Variants in ORC4 observed in about 807,000 individuals in gnomAD.
The protein encoded by ORC4 is origin recognition complex subunit 4.
ORC4 carries 55 observed loss-of-function variants against 63.9 expected under a neutral mutation model. The ratio of observed to expected loss-of-function variants is 0.86; its 90% confidence interval spans 0.69 to 1.08. The LOEUF is 1.08. ORC4 is among the 50% of genes least tolerant of loss of function. The pLI is 0.00. For synonymous variants in ORC4, 150 were observed against 168.5 expected, an observed-to-expected ratio of 0.89 and a Z score of 0.85; for missense variants, 511 against 504.4, an observed-to-expected ratio of 1.01 and a Z score of -0.13.
intron 1 of ORC4, among the ~76,000 whole-genome samples, chr2:148,014,155 G>C (rs546833706): frequency 4.6e-5 from 7 of 152,182 alleles, no homozygotes; most frequent in African/African-American, 1.2e-4. Context: ...ATGATTGTGT[G>C]CAATACAGCG....
At chr2:147,999,304 A>T (rs896490777) in intron 1 of ORC4, among the ~76,000 whole-genome samples, 1 of 152,138 alleles carries the variant, frequency 6.6e-6, no homozygotes, top group African/African-American at 2.4e-5. Flanking sequence ...TCAGACAAAA[A>T]GGTTTTGAGG....
intron 4 of ORC4, among the ~76,000 whole-genome samples, chr2:147,961,799 G>A (rs1016361052): frequency 1.3e-5 from 2 of 152,156 alleles, no homozygotes; most frequent in African/African-American, 4.8e-5. Context: ...TTTATTAACT[G>A]ATAAATACTA....
intron 4 of ORC4, chr2:147,960,449 A>G (rs1689523203): frequency 1.6e-6 from 1 of 636,256 alleles, no homozygotes; most frequent in Non-Finnish European, 2.0e-6. Context: ...TATTTAAACT[A>G]CATTATACAC....
intron 1 of ORC4, among the ~76,000 whole-genome samples, chr2:148,018,772 T>A (rs1337855662): frequency 6.6e-6 from 1 of 152,086 alleles, no homozygotes; most frequent in Non-Finnish European, 1.5e-5. Context: ...TAAGAAATAC[T>A]AAGAAAGAAA....
In ORC4 at chr2:147,938,568, T is replaced by C. The variant is rs1308141253; in HGVS notation, c.959-175A>G. 3 of 570,528 alleles carry C rather than the reference T, an allele frequency of 5.3e-6. No homozygotes were observed. In the African/African-American group the frequency reaches 5.6e-5, roughly 11 times the overall value. 35.3% of individuals were successfully genotyped at this position (570,528 alleles called of 1,614,324 possible). On this transcript the variant is annotated intron_variant, in intron 11 of 13. Coordinates refer to ENST00000392857, the MANE Select transcript of ORC4 (RefSeq NM_181741.4). ...CTATATAAATTTAAGTTACTTAACC[T>C]CCCTGAGCTTAGTTTTTTTCCTATC... is the stretch of plus-strand genomic sequence containing the variant.
intron 1 of ORC4, among the ~76,000 whole-genome samples, chr2:147,995,025 C>T (rs1312046443): frequency 6.6e-6 from 1 of 152,070 alleles, no homozygotes; most frequent in South Asian, 2.1e-4. Flanking sequence ...AATAAAAAAA[C>T]GCACCACTCA....
At chr2:147,957,800 T>G (rs935016150) in intron 6 of ORC4, among the ~76,000 whole-genome samples, 2 of 152,130 alleles carry the variant, frequency 1.3e-5, no homozygotes, top group Admixed American at 6.6e-5. Context: ...CCAATTAACA[T>G]GTAAAGAATC....
At chr2:147,984,004 T>C (rs370027540) in intron 1 of ORC4, among the ~76,000 whole-genome samples, 2 of 152,232 alleles carry the variant, frequency 1.3e-5, no homozygotes, top group African/African-American at 2.4e-5. Flanking sequence ...GTTCTGAATA[T>C]ACAAGACTAC....
intron 1 of ORC4, among the ~76,000 whole-genome samples, chr2:147,992,229 T>C (rs1217723750): frequency 6.6e-6 from 1 of 152,174 alleles, no homozygotes; most frequent in Admixed American, 6.5e-5. Context: ...ATAAATAGTA[T>C]AAGGGCGACA....
chr2:147,958,794 T>A lies in ORC4; in HGVS notation c.298A>T (p.Asn100Tyr). Reference sequence around the variant, plus strand: ...GGCAAAATAATGGCATACTTACCATTTAAGTGAACTTGTAATACATTTTCA... The same window carrying A: ...GGCAAAATAATGGCATACTTACCATATAAGTGAACTTGTAATACATTTTCA... ...VSENVLQVHL[N>Y]GLLQINDKIA... Residue 100 changes from asparagine to tyrosine, a missense_variant, in exon 5 of 14, where the codon AAT becomes TAT. Physicochemically the swap from Asn to Tyr is moderately radical, Grantham distance 143. Coordinates refer to ENST00000392857, the MANE Select transcript of ORC4 (RefSeq NM_181741.4). 7.0e-7 allele frequency: 1 copy of A among 1,435,964 alleles called. No homozygotes were observed. The highest frequency in any genetic ancestry group is 1.2e-5 in the South Asian group (1 of 86,740). 89.0% of individuals were successfully genotyped at this position (1,435,964 alleles called of 1,614,324 possible).
At chr2:147,941,724 T>C (rs926762584) in intron 10 of ORC4, among the ~76,000 whole-genome samples, 1 of 151,938 alleles carries the variant, frequency 6.6e-6, no homozygotes, top group Non-Finnish European at 1.5e-5. Context: ...TGGCCGTTAA[T>C]ATTGACAATA....
At chr2:148,001,139 C>G in intron 1 of ORC4, among the ~76,000 whole-genome samples, 1 of 152,230 alleles carries the variant, frequency 6.6e-6, no homozygotes, top group Admixed American at 6.5e-5. Context: ...CCAATCATTT[C>G]GTTGCACCAT....
At position 147,933,634 on chromosome 2, in the gene ORC4, CTCAAG is replaced by C. The variant is rs1687889914; in HGVS notation, c.*1871_*1875del. 1 of 152,042 alleles carries C rather than the reference CTCAAG, an allele frequency of 6.6e-6. No homozygotes were observed. Among genetic ancestry groups the C allele is most frequent in the Admixed American group, 6.6e-5 (1 of 15,236 alleles). 9.4% of individuals were successfully genotyped at this position (152,042 alleles called of 1,614,324 possible). A position where few individuals can be genotyped will look rare whatever the true frequency, so the allele number is the denominator to read the frequency against. On this transcript the variant is annotated 3_prime_UTR_variant, in exon 14 of 14. Coordinates refer to ENST00000392857, the MANE Select transcript of ORC4 (RefSeq NM_181741.4). Reference sequence around the variant, plus strand: ...CTTAAGCTAATAAGAAATTGGAATCCTCAAGTCATTTCATGAGGCTGTTACCCTTT... The same window carrying C: ...CTTAAGCTAATAAGAAATTGGAATCCTCATTTCATGAGGCTGTTACCCTTT...
chr2:147,944,045 AAAAG>A (rs1286655653), intron 9 of ORC4, among the ~76,000 whole-genome samples: 1 of 152,150 alleles, frequency 6.6e-6, no homozygotes, highest in African/African-American at 2.4e-5. Context: ...TGAATGTACA[AAAAG>A]AAAAGGCAGA....
intron 1 of ORC4, among the ~76,000 whole-genome samples, chr2:148,004,386 A>T (rs1692496368): frequency 6.6e-6 from 1 of 152,228 alleles, no homozygotes; most frequent in African/African-American, 2.4e-5. Context: ...CAGTAACCAA[A>T]GCAGCATAGT....
intron 1 of ORC4, among the ~76,000 whole-genome samples, chr2:148,016,061 T>C (rs1035154438): frequency 1.3e-5 from 2 of 152,160 alleles, no homozygotes; most frequent in Non-Finnish European, 2.9e-5. Context: ...GTTCAGTATT[T>C]GAAGCAAATT....
At chr2:148,006,312 C>T (rs530871482) in intron 1 of ORC4, among the ~76,000 whole-genome samples, 4,989 of 152,198 alleles carry the variant, frequency 0.033, 209 homozygotes, top group African/African-American at 0.097. Flanking sequence ...AAATCCTCCC[C>T]CCAAGGAGAG....
intron 1 of ORC4, among the ~76,000 whole-genome samples, chr2:148,018,793 ATTGC>A (rs1453633225): frequency 3.3e-5 from 5 of 152,336 alleles, no homozygotes; most frequent in Admixed American, 3.3e-4. Context: ...GCAGTAAATG[ATTGC>A]CATAAAAATC....
intron 1 of ORC4, among the ~76,000 whole-genome samples, chr2:147,990,032 T>G (rs1691487052): frequency 6.6e-6 from 1 of 152,224 alleles, no homozygotes; most frequent in African/African-American, 2.4e-5. Context: ...AATACTGCTT[T>G]CTTTCCAGAT....
Sources: gnomAD v4.1 joint callset for allele counts (sites outside exome capture counted in the v4.1 genomes callset) on GRCh38, gnomAD v4.1.1 for gene constraint, MANE v1.5 for transcripts, NCBI Gene and HGNC (gene_info 2026-07-23, HGNC 2026-07-21) for gene names.